The following ST6GALNAC3 variants were observed in gnomAD, a reference collection of about 807,000 sequenced individuals.
ST6GALNAC3 encodes the protein alpha-N-acetylgalactosaminide alpha-2,6-sialyltransferase 3.
Under a neutral mutation model 32.7 loss-of-function variants are expected in ST6GALNAC3, and 25 were observed. The observed-to-expected ratio is 0.76, with a 90% CI of 0.56 to 1.07. The LOEUF (loss-of-function observed/expected upper bound fraction) is 1.07. ST6GALNAC3 is among the 50% of genes least tolerant of loss of function. The probability of loss-of-function intolerance (pLI) is 0.00; values close to 1 mark genes in which losing one functional copy is unlikely to be tolerated. For synonymous variants in ST6GALNAC3, 129 were observed against 133.1 expected (o/e 0.97, Z 0.21); for missense variants, 355 against 382.4 (o/e 0.93, Z 0.60).
At chr1:76,610,876 C>T (rs1647881654) in intron 3 of ST6GALNAC3, among the ~76,000 whole-genome samples, 1 of 152,080 alleles carries the variant, frequency 6.6e-6, no homozygotes, top group Non-Finnish European at 1.5e-5. Flanking sequence ...CATTAAAAAG[C>T]GAAATACCTT....
rs545335601 is a variant in ST6GALNAC3, at chr1:76,482,496, G to A, written c.623+70079G>A. Among the ~76,000 whole-genome samples, 41 of 152,186 alleles carry A rather than the reference G, an allele frequency of 2.7e-4. 1 individual carries two copies. Among genetic ancestry groups the A allele is most frequent in the Non-Finnish European group, 4.3e-4 (29 of 68,020 alleles). On this transcript the variant is annotated intron_variant, in intron 3 of 4. Coordinates refer to ENST00000328299, the MANE Select transcript of ST6GALNAC3 (RefSeq NM_152996.4). Reference sequence around the variant, plus strand: ...TGTCAAATAACTCACTTTACCCAGGGCTCCCTGTGGGCAAGGCACTGGGCC... The same window carrying A: ...TGTCAAATAACTCACTTTACCCAGGACTCCCTGTGGGCAAGGCACTGGGCC...
chr1:76,332,041 A>G (rs1647196295), intron 2 of ST6GALNAC3, among the ~76,000 whole-genome samples: 1 of 152,200 alleles, frequency 6.6e-6, no homozygotes, highest in Admixed American at 6.5e-5. Flanking sequence ...CATTAGTGTT[A>G]AAAATTTCTT....
chr1:76,233,590 A>G (rs1656488425), intron 1 of ST6GALNAC3, among the ~76,000 whole-genome samples: 1 of 152,234 alleles, frequency 6.6e-6, no homozygotes, highest in Non-Finnish European at 1.5e-5. Flanking sequence ...GGCAGTCCCA[A>G]TGCTTGATTA....
chr1:76,214,361 C>T (rs1324591469), intron 1 of ST6GALNAC3, among the ~76,000 whole-genome samples: 2 of 151,920 alleles, frequency 1.3e-5, no homozygotes, highest in Non-Finnish European at 2.9e-5. Flanking sequence ...ATACAATTGC[C>T]AAATTTCTTA....
At position 76,255,530 on chromosome 1, in the gene ST6GALNAC3, G is replaced by A. The variant is rs1352000530; in HGVS notation, c.19-58275G>A. ...GCAGAGGTTGCAGATGGCCCTGTAA[G>A]GCTGAATTCAGCCCTTGCGTATATT... On this transcript the variant is annotated intron_variant, in intron 1 of 4. Coordinates refer to ENST00000328299, the MANE Select transcript of ST6GALNAC3 (RefSeq NM_152996.4). Among the ~76,000 whole-genome samples the A allele has an allele frequency of 2.0e-5, 3 of 152,096 alleles. No individual in the cohort carries two copies. The East Asian group carries it at 5.8e-4, about 29-fold the overall frequency.
intron 2 of ST6GALNAC3, among the ~76,000 whole-genome samples, chr1:76,374,764 C>A (rs1651089242): frequency 6.6e-6 from 1 of 152,092 alleles, no homozygotes; most frequent in Non-Finnish European, 1.5e-5. Context: ...TTAATATTGA[C>A]ACACATCCAC....
chr1:76,503,932 C>A (rs530621017), intron 3 of ST6GALNAC3, among the ~76,000 whole-genome samples: 2 of 152,252 alleles, frequency 1.3e-5, no homozygotes, highest in South Asian at 4.2e-4. Context: ...GACATTCTTC[C>A]CCAGGCAACC....
chr1:76,520,089 C>A (rs1662418982), intron 3 of ST6GALNAC3, among the ~76,000 whole-genome samples: 1 of 151,404 alleles, frequency 6.6e-6, no homozygotes, highest in African/African-American at 2.4e-5. Flanking sequence ...TAGTGGTTAC[C>A]TTTTTGCTTG....
rs560489132 is a variant in ST6GALNAC3, at chr1:76,115,511, T to C, written c.18+40627T>C. ...GTCTTAAGCAATGATCATTTGGTAA[T>C]GTATGTTTTGATTTTAGGTTAAAAA... On this transcript the variant is annotated intron_variant, in intron 1 of 4. Transcript: ENST00000328299. 7.2e-5 allele frequency among the ~76,000 whole-genome samples: 11 copies of C among 152,352 alleles called. No homozygotes were observed. In the South Asian group the frequency reaches 2.1e-3, roughly 29 times the overall value.
At chr1:76,559,315 C>T (rs1387877169) in intron 3 of ST6GALNAC3, among the ~76,000 whole-genome samples, 1 of 152,146 alleles carries the variant, frequency 6.6e-6, no homozygotes, top group African/African-American at 2.4e-5. Context: ...AGGACAACTG[C>T]ACATGCAAAT....
At position 76,257,906 on chromosome 1, in the gene ST6GALNAC3, G is replaced by C. The variant is rs997544826; in HGVS notation, c.19-55899G>C. Among the ~76,000 whole-genome samples, 16 of 151,992 alleles carry C rather than the reference G, an allele frequency of 1.1e-4. 1 individual carries two copies. The highest frequency in any genetic ancestry group is 3.6e-4 in the African/African-American group (15 of 41,376). On this transcript the variant is annotated intron_variant, in intron 1 of 4. Transcript: ENST00000328299. ...CAAATGGAATCTCATGTGGAATCTCGCTCTATAAAGCAGATGAAAAAATGT... is the reference window on the plus strand; with the variant it reads ...CAAATGGAATCTCATGTGGAATCTCCCTCTATAAAGCAGATGAAAAAATGT...
chr1:76,157,120 C>T (rs1651500483), intron 1 of ST6GALNAC3, among the ~76,000 whole-genome samples: 1 of 148,470 alleles, frequency 6.7e-6, no homozygotes, highest in Non-Finnish European at 1.5e-5. Context: ...GCTTTATAAG[C>T]TCTCAGCTGA....
chr1:76,557,084 A>C (rs1664971907), intron 3 of ST6GALNAC3, among the ~76,000 whole-genome samples: 1 of 151,870 alleles, frequency 6.6e-6, no homozygotes, highest in Admixed American at 6.6e-5. Context: ...CTTTTTTTGC[A>C]TGTGAATATA....
At chr1:76,189,176 G>GC (rs886776919) in intron 1 of ST6GALNAC3, among the ~76,000 whole-genome samples, 15 of 152,336 alleles carry the variant, frequency 9.8e-5, no homozygotes, top group African/African-American at 3.6e-4. Context: ...TCCTGGCCCT[G>GC]CAGGGCTGTA....
chr1:76,336,388 T>C (rs17098776), intron 2 of ST6GALNAC3, among the ~76,000 whole-genome samples: 2,490 of 152,240 alleles, frequency 0.016, 70 homozygotes, highest in African/African-American at 0.058. Flanking sequence ...AATAAGTGAA[T>C]CCCAAGACAA....
In ST6GALNAC3 at chr1:76,400,020, CT is replaced by C. The variant is rs145416882; in HGVS notation, c.214-11981del. ...TTTTGTTTCTTCTTCAATCTTCAAA[CT>C]TTTTTTATTTTTTCATGACCTCAGT... is the stretch of plus-strand genomic sequence containing the variant. On this transcript the variant is annotated intron_variant, in intron 2 of 4. Transcript: ENST00000328299. Among the ~76,000 whole-genome samples, 4 of 152,006 alleles carry C rather than the reference CT, an allele frequency of 2.6e-5. No individual in the cohort carries two copies. In the South Asian group the frequency reaches 6.2e-4, roughly 24 times the overall value.
Position 76,508,632 on chromosome 1 carries a change from G to A in ST6GALNAC3, c.623+96215G>A, listed in dbSNP as rs1029057423. ...TGAGGAAGGCATCCAAAGAGACTTC[G>A]GGAAGGGTAGTCAGAGAATGCAGAG... is the stretch of plus-strand genomic sequence containing the variant. On this transcript the variant is annotated intron_variant, in intron 3 of 4. Transcript: ENST00000328299. 3.9e-5 allele frequency among the ~76,000 whole-genome samples: 6 copies of A among 152,122 alleles called. No homozygotes were observed. The South Asian group carries it at 8.3e-4, about 21-fold the overall frequency.
intron 2 of ST6GALNAC3, among the ~76,000 whole-genome samples, chr1:76,351,322 TATTTC>T (rs1648961573): frequency 6.6e-6 from 1 of 152,160 alleles, no homozygotes; most frequent in South Asian, 2.1e-4. Flanking sequence ...CTTTTGGAAA[TATTTC>T]ATTTATAACA....
At chr1:76,326,909 A>G (rs1647085030) in intron 2 of ST6GALNAC3, among the ~76,000 whole-genome samples, 1 of 139,614 alleles carries the variant, frequency 7.2e-6, no homozygotes, top group South Asian at 2.4e-4. Context: ...TTCAATATTG[A>G]TTGCATTGAC....
Sources: gnomAD v4.1 joint callset for allele counts (sites outside exome capture counted in the v4.1 genomes callset) on GRCh38, gnomAD v4.1.1 for gene constraint, MANE v1.5 for transcripts, NCBI Gene and HGNC (gene_info 2026-07-23, HGNC 2026-07-21) for gene names.